Variants in LIPN observed in about 807,000 individuals in gnomAD.
LIPN encodes the protein lipase family member N.
LIPN carries 32 observed loss-of-function variants against 43.7 expected under a neutral mutation model. That is an observed-to-expected ratio of 0.73 (90% CI 0.55 to 0.98). The LOEUF (loss-of-function observed/expected upper bound fraction) is 0.98. Among genes scored for constraint, LIPN ranks in the 50% least tolerant of loss-of-function variants. The pLI is 0.00. For missense variants in LIPN, 505 were observed against 483.8 expected (o/e 1.04, Z -0.41); for synonymous variants, 156 against 157.6 (o/e 0.99, Z 0.08).
intron 6 of LIPN, 104 bp downstream of exon 6, chr10:88,769,032 A>G: frequency 1.7e-6 from 2 of 1,169,432 alleles, no homozygotes; most frequent in Non-Finnish European, 2.4e-6. Flanking sequence ...TTTAGATAAA[A>G]TCTATAGAAC....
At chr10:88,764,637 G>C (rs750216666) in intron 4 of LIPN, 29 bp downstream of exon 4, 1 of 1,485,448 alleles carries the variant, frequency 6.7e-7, no homozygotes, top group South Asian at 1.3e-5. Context: ...AACTCAAGGG[G>C]GAAATTGGAG....
intron 6 of LIPN, chr10:88,769,597 G>A: frequency 1.0e-6 from 1 of 982,996 alleles, no homozygotes; most frequent in Non-Finnish European, 1.2e-6. Context: ...ATTCCAGATT[G>A]GCCTTTGAAC....
intron 6 of LIPN, chr10:88,769,659 A>T (rs1843173146): frequency 2.7e-6 from 2 of 733,204 alleles, no homozygotes; most frequent in Admixed American, 1.3e-4. Context: ...CAAGGAGACC[A>T]GTTAGAATAT....
At chr10:88,757,526 A>G (rs1464678317), upstream of LIPN, among the ~76,000 whole-genome samples, 2 of 152,158 alleles carry the variant, frequency 1.3e-5, no homozygotes, top group Admixed American at 1.3e-4. Flanking sequence ...TATTTTAGTT[A>G]ACTATGATTG....
intron 4 of LIPN, 58 bp downstream of exon 4, chr10:88,764,666 C>G (rs1006770758): frequency 9.1e-5 from 111 of 1,225,008 alleles, no homozygotes; most frequent in Non-Finnish European, 1.3e-4. Context: ...AAAAAAATAA[C>G]GTGGACGCTA....
chr10:88,778,089 AC>A lies in LIPN; in HGVS notation c.1048del (p.Gln350ArgfsTer42), dbSNP rs1306678891. On this transcript the variant is annotated frameshift_variant, in exon 10 of 10. Transcript: ENST00000404459. LOFTEE classifies it high-confidence loss of function. ...CTGGTGGACATGATGTCCTCGTAACACCCCAGGATGTGGCCAGGATACTCCC... is the reference window on the plus strand; with the variant it reads ...CTGGTGGACATGATGTCCTCGTAACACCCAGGATGTGGCCAGGATACTCCC... ...WAGGHDVLVT[P>X]QDVARILPQI... The A allele has an allele frequency of 1.2e-6, 2 of 1,613,282 alleles. No individual in the cohort carries two copies. The highest frequency in any genetic ancestry group is 2.2e-5 in the East Asian group (1 of 44,846).
intron 9 of LIPN, among the ~76,000 whole-genome samples, chr10:88,776,341 C>G (rs1264996429): frequency 6.6e-6 from 1 of 152,004 alleles, no homozygotes; most frequent in Admixed American, 6.6e-5. Flanking sequence ...CTGTTTTCTT[C>G]CATTATTTTG....
chr10:88,761,412 T>C lies in LIPN; in HGVS notation c.7T>C (p.Trp3Arg). The C allele has an allele frequency of 6.2e-7, 1 of 1,607,660 alleles. No individual in the cohort carries two copies. The highest frequency in any genetic ancestry group is 1.1e-5 in the South Asian group (1 of 90,950). Reference sequence around the variant, plus strand: ...TTTTATGCCAGGCATTTCTATGATGTGGCTGCTTTTAACAACAACTTGTTT... The same window carrying C: ...TTTTATGCCAGGCATTTCTATGATGCGGCTGCTTTTAACAACAACTTGTTT... MMWLLLTTTCLIC... is the reference protein window; with the variant it reads MMRLLLTTTCLIC... The change falls in exon 2 of 10, where the codon TGG becomes CGG. Residue 3 changes from tryptophan to arginine, a missense_variant. By Grantham distance (101) the Trp-to-Arg change is moderately radical. Transcript: ENST00000404459.
At chr10:88,765,246 C>A (rs759420953) in intron 4 of LIPN, among the ~76,000 whole-genome samples, 18 of 151,966 alleles carry the variant, frequency 1.2e-4, no homozygotes, top group Non-Finnish European at 2.2e-4. Flanking sequence ...TCTGCTGTCA[C>A]CAGAGGACAG....
rs745861312 is a variant in LIPN, at chr10:88,764,429, T to G, written c.246T>G (p.Tyr82Ter). Residue 82 changes from tyrosine to a stop codon, truncating the protein, a stop_gained, in exon 4 of 10, where the codon TAT becomes TAG. Transcript: ENST00000404459. LOFTEE classifies it high-confidence loss of function. Reference sequence around the variant, plus strand: ...CACCAGGTCCCCGGCCAGTTGTGTATATGCAGCATGCCCTGTTTGCAGACA... The same window carrying G: ...CACCAGGTCCCCGGCCAGTTGTGTAGATGCAGCATGCCCTGTTTGCAGACA... ...ARSTGPRPVV[Y>*]MQHALFADNA... 1.2e-5 allele frequency: 20 copies of G among 1,611,870 alleles called. No individual in the cohort carries two copies. In the Admixed American group the frequency reaches 1.3e-4, roughly 11 times the overall value.
intron 4 of LIPN, 125 bp from the exon 5 acceptor site, chr10:88,766,144 A>G (rs971444189): frequency 2.9e-5 from 18 of 629,008 alleles, no homozygotes; most frequent in Non-Finnish European, 4.5e-5. Flanking sequence ...TGGATAAATA[A>G]TGAAATACAC....
At chr10:88,760,822 G>A (rs1842984308) in intron 1 of LIPN, among the ~76,000 whole-genome samples, 1 of 152,112 alleles carries the variant, frequency 6.6e-6, no homozygotes, top group Admixed American at 6.6e-5. Context: ...TAGTGTTATA[G>A]TGTTGGTCTA....
intron 9 of LIPN, among the ~76,000 whole-genome samples, chr10:88,775,395 T>C (rs1355147643): frequency 6.6e-6 from 1 of 151,924 alleles, no homozygotes; most frequent in Non-Finnish European, 1.5e-5. Context: ...GATAACTAGA[T>C]GTACTAACAT....
intron 7 of LIPN, among the ~76,000 whole-genome samples, chr10:88,771,422 C>T (rs986680447): frequency 6.6e-6 from 1 of 151,796 alleles, no homozygotes; most frequent in African/African-American, 2.4e-5. Flanking sequence ...TCCCCTACTA[C>T]CTTTCCCAGC....
At chr10:88,769,089 C>T (rs1009327724) in intron 6 of LIPN, among the ~76,000 whole-genome samples, 161 bp downstream of exon 6, 2 of 151,818 alleles carry the variant, frequency 1.3e-5, no homozygotes, top group African/African-American at 4.8e-5. Context: ...CCTGCGTGTG[C>T]GCATGTCTGT....
upstream of LIPN, among the ~76,000 whole-genome samples, chr10:88,759,684 C>A (rs1245545352): frequency 1.3e-5 from 2 of 152,070 alleles, no homozygotes; most frequent in Admixed American, 6.6e-5. Context: ...TCCGTTTGAT[C>A]CTCATGAAGG....
chr10:88,775,202 TAAATTATAATA>T, intron 9 of LIPN, 39 bp downstream of exon 9: 1 of 1,369,420 alleles, frequency 7.3e-7, no homozygotes, highest in Non-Finnish European at 1.0e-6. Flanking sequence ...CTGATTTTGA[TAAATTATAATA>T]AAAAATTATT....
chr10:88,775,220 T>G (rs1843277412), intron 9 of LIPN, 57 bp downstream of exon 9: 1 of 1,262,224 alleles, frequency 7.9e-7, no homozygotes, highest in South Asian at 1.4e-5. Flanking sequence ...AATAAAAAAT[T>G]ATTTGAGGGT....
At chr10:88,763,626 T>A (rs903526370) in intron 3 of LIPN, among the ~76,000 whole-genome samples, 2 of 152,044 alleles carry the variant, frequency 1.3e-5, no homozygotes, top group Non-Finnish European at 2.9e-5. Flanking sequence ...GACCAGAATT[T>A]AAGCCCAGGC....
Sources: allele counts gnomAD v4.1 joint callset (sites outside exome capture counted in the v4.1 genomes callset), GRCh38; gene constraint gnomAD v4.1.1; transcripts MANE v1.5; gene names NCBI Gene and HGNC (gene_info 2026-07-23, HGNC 2026-07-21).